The following DEAF1 variants were observed in gnomAD, a reference collection of about 807,000 sequenced individuals.
DEAF1 encodes DEAF1 transcription factor, also known as deformed epidermal autoregulatory factor 1 homolog.
In DEAF1, 53 loss-of-function variants were observed where a neutral mutation model predicts 58.9. The ratio of observed to expected loss-of-function variants is 0.90; its 90% CI spans 0.72 to 1.13. The LOEUF (loss-of-function observed/expected upper bound fraction) is 1.13, where lower values mean the gene tolerates loss of function less well. DEAF1 is among the 50% of genes most tolerant of loss of function. The pLI is 0.00. For synonymous variants in DEAF1, 385 were observed against 340.4 expected, an observed-to-expected ratio of 1.13 and a Z score of -1.44; for missense variants, 685 against 791.4, an observed-to-expected ratio of 0.87 and a Z score of 1.61.
chr11:664,274 GAAAAA>G (rs949080794), intron 10 of DEAF1, among the ~76,000 whole-genome samples: 4 of 143,034 alleles, frequency 2.8e-5, no homozygotes, highest in Admixed American at 7.0e-5. Flanking sequence ...CCAGAGAAAA[GAAAAA>G]AAAAAAGGAA....
chr11:700,968 A>G (rs1173459837), intron 1 of DEAF1: 2 of 470,512 alleles, frequency 4.3e-6, no homozygotes, highest in Non-Finnish European at 7.4e-6. Context: ...CCACTGGGTA[A>G]TGGCACTGAG....
chr11:692,574 C>A (rs190864272), intron 1 of DEAF1, among the ~76,000 whole-genome samples: 7 of 152,352 alleles, frequency 4.6e-5, no homozygotes, highest in South Asian at 2.1e-4. Context: ...TGTTTGCAGC[C>A]GGGCGCGGTG....
In DEAF1 at chr11:681,029, T is replaced by C. The variant is rs1362379696; in HGVS notation, c.931A>G (p.Thr311Ala). 1.9e-6 allele frequency: 3 copies of C among 1,613,980 alleles called. No homozygotes were observed. The highest frequency in any genetic ancestry group is 1.3e-5 in the African/African-American group (1 of 74,892). Residue 311 changes from threonine to alanine, a missense_variant, in exon 7 of 12, where the codon ACA becomes GCA. Coordinates refer to ENST00000382409, the MANE Select transcript of DEAF1 (RefSeq NM_021008.4). ...KRRKKENELP[T>A]TPVKKDSPKN... ...GGGGAGTCCTTCTTCACGGGAGTTG[T>C]GGGCAGTTCATTCTCCTTCTTGCGC...
intron 11 of DEAF1, among the ~76,000 whole-genome samples, chr11:653,607 A>G (rs1274954495): frequency 2.9e-5 from 4 of 136,474 alleles, no homozygotes; most frequent in Non-Finnish European, 4.7e-5. Context: ...AACTGTGGAC[A>G]GTCTCTCTCA....
intron 11 of DEAF1, among the ~76,000 whole-genome samples, chr11:645,217 T>C (rs1367582935): frequency 6.7e-6 from 1 of 149,274 alleles, no homozygotes; most frequent in Non-Finnish European, 1.5e-5. Flanking sequence ...TCCAAACCAG[T>C]TGTTTTGTGT....
Position 687,368 on chromosome 11 carries a change from C to A in DEAF1, c.665-371G>T, listed in dbSNP as rs115456733. ...GCTTCTTCTCGCTTGTCTCCTGTCC[C>A]GTGGGTCACGATGGCTTTTCACCCC... On this transcript the variant is annotated intron_variant, in intron 4 of 11. Transcript: ENST00000382409. Among the ~76,000 whole-genome samples, 1,211 of 152,366 alleles carry A rather than the reference C, an allele frequency of 7.9e-3. 15 individuals are homozygous for A. The highest frequency in any genetic ancestry group is 0.028 in the African/African-American group (1,150 of 41,578).
At chr11:678,539 T>A in intron 9 of DEAF1, 155 bp downstream of exon 9, 1 of 1,074,742 alleles carries the variant, frequency 9.3e-7, no homozygotes, top group East Asian at 2.5e-5. Flanking sequence ...TTTACAAACA[T>A]AGGCAGTGGG....
At position 688,515 on chromosome 11, in the gene DEAF1, C is replaced by CA; in HGVS notation, c.388-56dup. On this transcript the variant is annotated intron_variant, in intron 2 of 11. Coordinates refer to ENST00000382409, the MANE Select transcript of DEAF1 (RefSeq NM_021008.4). The surrounding 1 kb of genome is among the most constrained non-coding windows in gnomAD (Gnocchi z 4.3). ...CGTCCGAGAGTGACACCAGGCGTGT[C>CA]ACTGAGCCCAGCTGGGCCGTCCTCC... 6.2e-7 allele frequency: 1 copy of CA among 1,610,300 alleles called. No homozygotes were observed. Among genetic ancestry groups the CA allele is most frequent in the East Asian group, 2.2e-5 (1 of 44,866 alleles).
rs766292709 is a variant in DEAF1, at chr11:644,574, G to A, written c.1674C>T (p.Ser558=). The A allele has an allele frequency of 2.5e-6, 4 of 1,612,884 alleles. No homozygotes were observed. Among genetic ancestry groups the A allele is most frequent in the Non-Finnish European group, 2.5e-6 (3 of 1,179,914 alleles). The change falls in exon 12 of 12, where the codon AGC becomes AGT. Residue 558 remains serine, a synonymous_variant. Transcript: ENST00000382409. This position sits in a 1 kb window ranked among gnomAD's most constrained non-coding sequence, Gnocchi z 4.3. ...CTCACACGGTCACCTTCTCCATCAC[G>A]CTTTCAGCCACGTGGACTTCGTCTG... ...VQADEVHVAE[S]VMEKVTV
chr11:694,922 C>A lies in DEAF1; in HGVS notation c.126G>T (p.Leu42=). 1 of 1,420,868 alleles carries A rather than the reference C, an allele frequency of 7.0e-7. No individual in the cohort carries two copies. Among genetic ancestry groups the A allele is most frequent in the East Asian group, 2.9e-5 (1 of 34,112 alleles). The allele number at this position is 1,420,868 out of a possible 1,614,324, so 88.0% of individuals were successfully genotyped here. ...AAGGEAEEPV[L]SRDEDSEEDA... ...CCTCCTCCGAGTCCTCGTCCCTGCT[C>A]AGCACCGGCTCCTCCGCCTCGCCTC... The change falls in exon 1 of 12, where the codon CTG becomes CTT. Residue 42 remains leucine (L), a synonymous_variant. Transcript: ENST00000382409.
At chr11:701,379 T>C (rs1861462581) in intron 1 of DEAF1, among the ~76,000 whole-genome samples, 1 of 150,082 alleles carries the variant, frequency 6.7e-6, no homozygotes, top group African/African-American at 2.5e-5. Context: ...TGTTTTGTTT[T>C]TTTTTGGTAG....
intron 10 of DEAF1, among the ~76,000 whole-genome samples, chr11:661,404 T>C (rs1229243228): frequency 1.3e-5 from 2 of 152,110 alleles, no homozygotes; most frequent in African/African-American, 2.4e-5. Flanking sequence ...TTTGATTTTT[T>C]TTTTTTTTAA....
chr11:686,128 A>T (rs6597992), intron 5 of DEAF1, among the ~76,000 whole-genome samples: 76 of 1,890 alleles, frequency 0.04, 1 homozygote, highest in East Asian at 0.32. Context: ...ACTGAAAATT[A>T]AAAAAAAAAA....
chr11:647,474 AAAAC>A (rs1375558390), intron 11 of DEAF1, among the ~76,000 whole-genome samples: 6 of 152,154 alleles, frequency 3.9e-5, no homozygotes, highest in South Asian at 2.1e-4. Context: ...AACAAAACCA[AAAAC>A]AAACGAACAA....
intron 10 of DEAF1, among the ~76,000 whole-genome samples, chr11:661,755 C>A (rs1015906131): frequency 6.6e-6 from 1 of 152,158 alleles, no homozygotes; most frequent in African/African-American, 2.4e-5. Flanking sequence ...CAGCGTCACG[C>A]CTGCCCTCCC....
intron 10 of DEAF1, among the ~76,000 whole-genome samples, chr11:672,791 T>G (rs1253189161): frequency 1.3e-5 from 2 of 151,940 alleles, no homozygotes; most frequent in Non-Finnish European, 2.9e-5. Flanking sequence ...GAAGCTGCAG[T>G]GAGCTGAGAT....
At chr11:693,895 A>G (rs1198000418) in intron 1 of DEAF1, among the ~76,000 whole-genome samples, 1 of 152,142 alleles carries the variant, frequency 6.6e-6, no homozygotes, top group East Asian at 1.9e-4. Flanking sequence ...CAGGAGGAGC[A>G]GGTCCTTAGG....
chr11:701,623 A>C lies in DEAF1; in HGVS notation c.-438+4949T>G, dbSNP rs568034989. On this transcript the variant is annotated intron_variant, in intron 1 of 11. Coordinates refer to the DEAF1 transcript ENST00000683307. ...ATGGGGTTTCACCATGTTAGCCAGG[A>C]TGGTTTCCATCTCCTGACCTCCTGA... Among the ~76,000 whole-genome samples the C allele has an allele frequency of 8.3e-4, 126 of 151,598 alleles. 2 individuals are homozygous for C. The highest frequency in any genetic ancestry group is 4.1e-3 in the East Asian group (21 of 5,076).
At chr11:684,350 G>A (rs1195070364) in intron 6 of DEAF1, among the ~76,000 whole-genome samples, 1 of 152,096 alleles carries the variant, frequency 6.6e-6, no homozygotes, top group African/African-American at 2.4e-5. Context: ...TCCAGGAGGC[G>A]GAGGTTGCAG....
Sources: gnomAD v4.1 joint callset for allele counts (sites outside exome capture counted in the v4.1 genomes callset) on GRCh38, gnomAD v4.1.1 for gene constraint, Gnocchi (gnomAD v3.1) non-coding constraint, MANE v1.5 for transcripts, NCBI Gene and HGNC (gene_info 2026-07-23, HGNC 2026-07-21) for gene names.